Variants in CACNA1C observed in about 807,000 individuals in gnomAD.
CACNA1C encodes the protein voltage-dependent L-type calcium channel subunit alpha-1C.
In CACNA1C, 30 loss-of-function variants were observed where a neutral mutation model predicts 229.0. That is an observed-to-expected ratio of 0.13 (90% CI 0.10 to 0.18). The LOEUF is 0.18. Among genes scored for constraint, CACNA1C ranks in the 10% least tolerant of loss-of-function variants. CACNA1C has a pLI of 1.00. For synonymous variants in CACNA1C, 1,114 were observed against 1,132.5 expected (o/e 0.98, Z 0.33); for missense variants, 1,658 against 2,845.0 (o/e 0.58, Z 9.49).
intron 1 of CACNA1C, among the ~76,000 whole-genome samples, chr12:2,085,495 G>A (rs1205588917): frequency 6.6e-6 from 1 of 152,128 alleles, no homozygotes; most frequent in African/African-American, 2.4e-5. Flanking sequence ...AGTTGGCCAA[G>A]CCAGGTACCT....
At chr12:1,973,031 T>G (rs1290940114) in intron 1 of CACNA1C, among the ~76,000 whole-genome samples, 1 of 152,240 alleles carries the variant, frequency 6.6e-6, no homozygotes, top group African/African-American at 2.4e-5. Flanking sequence ...TTGGAATGTT[T>G]GCACTCAAAA....
intron 3 of CACNA1C, among the ~76,000 whole-genome samples, chr12:2,207,960 G>A (rs1469061725): frequency 6.6e-6 from 1 of 152,150 alleles, no homozygotes; most frequent in Non-Finnish European, 1.5e-5. Flanking sequence ...TGTTTTTAGG[G>A]AGACAGAACA....
intron 3 of CACNA1C, among the ~76,000 whole-genome samples, chr12:2,435,437 T>C (rs1425621912): frequency 1.3e-5 from 2 of 152,214 alleles, no homozygotes; most frequent in East Asian, 3.9e-4. Context: ...CTGCAGTCCT[T>C]TGTCCCAGTG....
At position 2,403,820 on chromosome 12, in the gene CACNA1C, T is replaced by C. The variant is rs1285809463; in HGVS notation, c.478-45156T>C. ...TTCCCACCACAAGATGACGAAGATG[T>C]GGTGTTGACAGACTGCTGGTGTCCG... On this transcript the variant is annotated intron_variant, in intron 3 of 46. Coordinates refer to ENST00000399655, the MANE Select transcript of CACNA1C (RefSeq NM_000719.7). The surrounding 1 kb of genome is among the most constrained non-coding windows in gnomAD (Gnocchi z 4.1). 6.6e-6 allele frequency among the ~76,000 whole-genome samples: 1 copy of C among 152,146 alleles called. No homozygotes were observed. Among genetic ancestry groups the C allele is most frequent in the Admixed American group, 6.5e-5 (1 of 15,286 alleles).
At chr12:2,071,509 T>C (rs1435433811) in intron 1 of CACNA1C, among the ~76,000 whole-genome samples, 3 of 152,102 alleles carry the variant, frequency 2.0e-5, no homozygotes, top group Non-Finnish European at 4.4e-5. Flanking sequence ...AGGCATGAGC[T>C]ACTACCGCTC....
intron 3 of CACNA1C, among the ~76,000 whole-genome samples, chr12:2,417,784 T>G (rs912063728): frequency 6.6e-6 from 1 of 151,958 alleles, no homozygotes; most frequent in African/African-American, 2.4e-5. Flanking sequence ...AGAGAGAGAT[T>G]TTGGGCAGGA....
chr12:2,606,943 A>T (rs1481877254), intron 25 of CACNA1C, 41 bp from the exon 26 acceptor site: 1 of 1,605,120 alleles, frequency 6.2e-7, no homozygotes, highest in Non-Finnish European at 8.5e-7. Context: ...GTGAAGGAAG[A>T]TGGGAGATCC....
intron 13 of CACNA1C, among the ~76,000 whole-genome samples, chr12:2,574,161 T>C (rs2057472931): frequency 6.6e-6 from 1 of 152,214 alleles, no homozygotes; most frequent in South Asian, 2.1e-4. Context: ...ACAAGATTCC[T>C]GCTCATTGAA....
At chr12:2,335,150 A>C (rs1368598050) in intron 3 of CACNA1C, among the ~76,000 whole-genome samples, 1 of 152,092 alleles carries the variant, frequency 6.6e-6, no homozygotes, top group Non-Finnish European at 1.5e-5. Context: ...CAGCTGGCCA[A>C]AGTGTGACTG....
At chr12:2,443,519 A>G (rs1410971201) in intron 3 of CACNA1C, among the ~76,000 whole-genome samples, 1 of 152,228 alleles carries the variant, frequency 6.6e-6, no homozygotes, top group Admixed American at 6.5e-5. Context: ...AACACTGAAC[A>G]GTAGGAATGG....
intron 45 of CACNA1C, 40 bp downstream of exon 45, chr12:2,686,309 C>G: frequency 1.4e-6 from 2 of 1,407,208 alleles, no homozygotes; most frequent in Non-Finnish European, 2.0e-6. Context: ...CACCTGCCAG[C>G]AGGCCAGACA....
rs2096020702 is a variant in CACNA1C, at chr12:2,665,304, A to G, written c.4399-277A>G. On this transcript the variant is annotated intron_variant, in intron 35 of 46. Coordinates refer to ENST00000399655, the MANE Select transcript of CACNA1C (RefSeq NM_000719.7). The surrounding 1 kb of genome is among the most constrained non-coding windows in gnomAD (Gnocchi z 5.9). ...GGCATCTTGCTGAGGAGTGAGGAAA[A>G]GGGGATAAAGTCCCCCTCTGTCCTG... Among the ~76,000 whole-genome samples, 1 of 152,194 alleles carries G rather than the reference A, an allele frequency of 6.6e-6. No homozygotes were observed.
chr12:2,562,113 G>A (rs1385175395), intron 11 of CACNA1C, among the ~76,000 whole-genome samples: 2 of 149,980 alleles, frequency 1.3e-5, no homozygotes, highest in Non-Finnish European at 3.0e-5. Flanking sequence ...TCCCAAATGG[G>A]TCTGCTCAGG....
chr12:2,325,231 A>G (rs1268283772), intron 3 of CACNA1C, among the ~76,000 whole-genome samples: 6 of 152,146 alleles, frequency 3.9e-5, no homozygotes, highest in South Asian at 2.1e-4. Flanking sequence ...ACCTCTGCCC[A>G]CCATCCATAC....
chr12:2,072,640 T>C (rs1728877560), intron 1 of CACNA1C, among the ~76,000 whole-genome samples: 1 of 152,256 alleles, frequency 6.6e-6, no homozygotes, highest in South Asian at 2.1e-4. Flanking sequence ...TTTCTCCTTT[T>C]CAATGTTTTG....
chr12:2,310,352 A>AAAATATATATATATAT (rs201363709), intron 3 of CACNA1C, among the ~76,000 whole-genome samples: 1 of 139,828 alleles, frequency 7.2e-6, no homozygotes, highest in African/African-American at 2.7e-5. Flanking sequence ...TAAAAAAAAA[A>AAAATATATATATATAT]ATATATATAT....
intron 7 of CACNA1C, among the ~76,000 whole-genome samples, chr12:2,503,570 G>GC (rs771644054): frequency 6.6e-6 from 1 of 152,182 alleles, no homozygotes; most frequent in Non-Finnish European, 1.5e-5. Context: ...CTGATTTATT[G>GC]CTTGCCTATC....
At chr12:2,068,194 A>C (rs780768855) in intron 1 of CACNA1C, among the ~76,000 whole-genome samples, 1 of 151,980 alleles carries the variant, frequency 6.6e-6, no homozygotes, top group Non-Finnish European at 1.5e-5. Flanking sequence ...GGACAGTAAC[A>C]CTCCTTGAAT....
chr12:2,146,492 A>G (rs2094718998), intron 3 of CACNA1C, among the ~76,000 whole-genome samples: 1 of 151,252 alleles, frequency 6.6e-6, no homozygotes, highest in Non-Finnish European at 1.5e-5. Flanking sequence ...ATAAAAAATG[A>G]TAATGAATGG....
Sources: allele counts gnomAD v4.1 joint callset (sites outside exome capture counted in the v4.1 genomes callset), GRCh38; gene constraint gnomAD v4.1.1; non-coding constraint Gnocchi (gnomAD v3.1); transcripts MANE v1.5; gene names NCBI Gene and HGNC (gene_info 2026-07-23, HGNC 2026-07-21).